PTPRG: variants seen among roughly 807,000 people sequenced by gnomAD.
PTPRG encodes protein tyrosine phosphatase receptor type G, also known as receptor-type tyrosine-protein phosphatase gamma.
PTPRG carries 102 observed loss-of-function variants against 165.3 expected under a neutral mutation model. That is an observed-to-expected ratio of 0.62 (90% CI 0.53 to 0.73). PTPRG has a LOEUF of 0.73. PTPRG is among the 30% of genes least tolerant of loss of function. PTPRG has a pLI of 0.00. For synonymous variants in PTPRG, 675 were observed against 669.5 expected (o/e 1.01, Z -0.13); for missense variants, 1,866 against 1,861.4 (o/e 1.00, Z -0.05).
intron 2 of PTPRG, among the ~76,000 whole-genome samples, chr3:61,783,445 G>T (rs1368697621): frequency 6.6e-6 from 1 of 152,190 alleles, no homozygotes; most frequent in Non-Finnish European, 1.5e-5. Flanking sequence ...AGATATAGAT[G>T]CCAGTTCACA....
chr3:61,663,804 G>A (rs1009267466), intron 1 of PTPRG, among the ~76,000 whole-genome samples: 1 of 152,064 alleles, frequency 6.6e-6, no homozygotes, highest in African/African-American at 2.4e-5. Context: ...CACGTGCACA[G>A]CCCATAATAG....
chr3:61,980,021 G>C (rs1575845746), intron 2 of PTPRG, among the ~76,000 whole-genome samples: 1 of 152,000 alleles, frequency 6.6e-6, no homozygotes, highest in East Asian at 1.9e-4. Flanking sequence ...TTCTGTCTCT[G>C]GGAATTTTTC....
chr3:62,143,773 G>A (rs375970906), intron 6 of PTPRG, among the ~76,000 whole-genome samples: 3 of 152,310 alleles, frequency 2.0e-5, no homozygotes, highest in East Asian at 3.9e-4. Context: ...GTACTTCAAA[G>A]TTCAGGCTGG....
At chr3:61,748,459 T>C (rs1243383512) in intron 1 of PTPRG, among the ~76,000 whole-genome samples, 4 of 152,200 alleles carry the variant, frequency 2.6e-5, no homozygotes, top group South Asian at 4.1e-4. Context: ...AACTTATACA[T>C]GCAGTTGGAA....
chr3:62,054,757 G>A (rs1347825055), intron 4 of PTPRG, among the ~76,000 whole-genome samples: 1 of 152,166 alleles, frequency 6.6e-6, no homozygotes, highest in African/African-American at 2.4e-5. Flanking sequence ...GAACTGCATT[G>A]TTCCTTCATT....
intron 2 of PTPRG, among the ~76,000 whole-genome samples, chr3:61,975,550 T>C (rs1400663602): frequency 6.6e-6 from 1 of 152,238 alleles, no homozygotes; most frequent in Non-Finnish European, 1.5e-5. Context: ...TCGGAAACAC[T>C]GTCTTCGTCA....
intron 1 of PTPRG, among the ~76,000 whole-genome samples, chr3:61,611,740 C>CA (rs1701174237): frequency 2.0e-5 from 3 of 152,142 alleles, no homozygotes; most frequent in Admixed American, 2.0e-4. Flanking sequence ...TAGCCACAGA[C>CA]AGTACATCAA....
intron 2 of PTPRG, among the ~76,000 whole-genome samples, chr3:61,969,371 G>GT (rs2040337649): frequency 6.6e-6 from 1 of 152,102 alleles, no homozygotes; most frequent in Non-Finnish European, 1.5e-5. Flanking sequence ...AATAGGAGTA[G>GT]TATAACAAAT....
At chr3:62,275,792 A>G (rs1702212028) in intron 23 of PTPRG, 81 bp from the exon 24 acceptor site, 2 of 998,572 alleles carry the variant, frequency 2.0e-6, no homozygotes, top group Non-Finnish European at 3.0e-6. Flanking sequence ...CAGTAATCTG[A>G]TTGGGATTTT....
At chr3:62,084,706 T>G (rs952493066) in intron 5 of PTPRG, among the ~76,000 whole-genome samples, 5 of 152,182 alleles carry the variant, frequency 3.3e-5, no homozygotes, top group Non-Finnish European at 5.9e-5. Flanking sequence ...TCCCTGCATT[T>G]CACCTTCCCC....
intron 2 of PTPRG, among the ~76,000 whole-genome samples, chr3:61,762,836 C>T (rs2033898318): frequency 6.6e-6 from 1 of 152,074 alleles, no homozygotes; most frequent in African/African-American, 2.4e-5. Context: ...CACCTTTGTA[C>T]CCTGCCATCT....
intron 1 of PTPRG, among the ~76,000 whole-genome samples, chr3:61,630,437 G>A (rs1397684375): frequency 6.6e-6 from 1 of 152,110 alleles, no homozygotes; most frequent in Non-Finnish European, 1.5e-5. Context: ...TAACATATCT[G>A]GTTAATACTT....
chr3:61,795,522 C>T (rs943926057), intron 2 of PTPRG, among the ~76,000 whole-genome samples: 2 of 151,014 alleles, frequency 1.3e-5, no homozygotes, highest in Non-Finnish European at 2.9e-5. Flanking sequence ...TACCTGTAAT[C>T]CCAGCTATTG....
At chr3:61,693,578 C>A (rs2030360862) in intron 1 of PTPRG, among the ~76,000 whole-genome samples, 1 of 152,148 alleles carries the variant, frequency 6.6e-6, no homozygotes, top group African/African-American at 2.4e-5. Flanking sequence ...TGCTCAGATA[C>A]TCCAGTAAGA....
At chr3:61,877,837 G>A (rs116794848) in intron 2 of PTPRG, among the ~76,000 whole-genome samples, 3 of 152,158 alleles carry the variant, frequency 2.0e-5, no homozygotes, top group Middle Eastern at 3.2e-3. Flanking sequence ...TTGGGTTAGC[G>A]ACCTTTCAGA....
At chr3:61,645,749 C>T (rs928862549) in intron 1 of PTPRG, among the ~76,000 whole-genome samples, 2 of 152,154 alleles carry the variant, frequency 1.3e-5, no homozygotes, top group African/African-American at 4.8e-5. Context: ...CAGCCATAGA[C>T]AATATGTGAG....
chr3:62,011,745 T>C (rs1245641008), intron 4 of PTPRG, among the ~76,000 whole-genome samples: 1 of 152,166 alleles, frequency 6.6e-6, no homozygotes, highest in African/African-American at 2.4e-5. Context: ...TAATGCCTGG[T>C]TGTGCAAAGC....
intron 2 of PTPRG, among the ~76,000 whole-genome samples, chr3:61,929,887 G>C (rs2039316122): frequency 6.6e-6 from 1 of 152,220 alleles, no homozygotes; most frequent in Admixed American, 6.5e-5. Flanking sequence ...CATATGCACA[G>C]AGAGTCGTGG....
At chr3:61,691,950 C>T (rs758162037) in intron 1 of PTPRG, among the ~76,000 whole-genome samples, 7 of 151,918 alleles carry the variant, frequency 4.6e-5, no homozygotes, top group Non-Finnish European at 8.8e-5. Flanking sequence ...ACACACGGGT[C>T]GAAGACAAAT....
Sources: allele counts gnomAD v4.1 joint callset (sites outside exome capture counted in the v4.1 genomes callset), GRCh38; gene constraint gnomAD v4.1.1; transcripts MANE v1.5; gene names NCBI Gene and HGNC (gene_info 2026-07-23, HGNC 2026-07-21).